Variants in TASP1 observed in about 807,000 individuals in gnomAD.
The protein encoded by TASP1 is threonine aspartase 1.
In TASP1, 16 loss-of-function variants were observed where a neutral mutation model predicts 56.6. The ratio of observed to expected loss-of-function variants is 0.28; its 90% CI spans 0.19 to 0.43. The LOEUF (loss-of-function observed/expected upper bound fraction) is 0.43. Among genes scored for constraint, TASP1 ranks in the 20% least tolerant of loss-of-function variants. TASP1 has a pLI of 1.00. For synonymous variants in TASP1, 179 were observed against 184.2 expected (o/e 0.97, Z 0.23); for missense variants, 393 against 511.6 (o/e 0.77, Z 2.24).
the TASP1 span, among the ~76,000 whole-genome samples, chr20:13,208,753 T>G: frequency 6.6e-6 from 1 of 152,228 alleles, no homozygotes; most frequent in African/African-American, 2.4e-5. Context: ...AGAGCTGTTT[T>G]GTCCCAGCTG....
chr20:13,430,546 T>A (rs1399774732), intron 12 of TASP1, among the ~76,000 whole-genome samples: 1 of 152,180 alleles, frequency 6.6e-6, no homozygotes, highest in East Asian at 1.9e-4. Context: ...TGGCAGTTGG[T>A]CTCACCCAGA....
chr20:13,496,119 T>A (rs2043715685), intron 10 of TASP1, among the ~76,000 whole-genome samples: 1 of 152,270 alleles, frequency 6.6e-6, no homozygotes, highest in Admixed American at 6.5e-5. Context: ...CCTAGTGCGA[T>A]CTCAGCTCAC....
Position 13,419,308 on chromosome 20 carries a change from G to A in TASP1, c.1097-1787C>T, listed in dbSNP as rs184686005. ...CATGCTCGTGTGCATGTAGAGGGAG[G>A]AGGGCATGAGGATGGGAAAGCAAAT... On this transcript the variant is annotated intron_variant, in intron 12 of 13. Coordinates refer to ENST00000337743, the MANE Select transcript of TASP1 (RefSeq NM_017714.3). Among the ~76,000 whole-genome samples, 3 of 152,242 alleles carry A rather than the reference G, an allele frequency of 2.0e-5. No individual in the cohort carries two copies. In the East Asian group the frequency reaches 5.8e-4, roughly 29 times the overall value.
chr20:13,220,682 G>A, the TASP1 span, among the ~76,000 whole-genome samples: 2 of 152,174 alleles, frequency 1.3e-5, no homozygotes, highest in African/African-American at 2.4e-5. Context: ...GCGGATCCGC[G>A]AACAGCCGTG....
the TASP1 span, among the ~76,000 whole-genome samples, chr20:13,105,350 G>C: frequency 6.6e-6 from 1 of 152,062 alleles, no homozygotes; most frequent in East Asian, 1.9e-4. Flanking sequence ...TCCACCAAAA[G>C]CCACTCCCAT....
At chr20:13,412,236 C>T (rs1260131485) in intron 13 of TASP1, among the ~76,000 whole-genome samples, 2 of 152,154 alleles carry the variant, frequency 1.3e-5, no homozygotes, top group African/African-American at 2.4e-5. Flanking sequence ...AGCTCACACA[C>T]GGCCATAAAG....
the TASP1 span, among the ~76,000 whole-genome samples, chr20:13,171,669 TAGAG>T: frequency 6.6e-6 from 1 of 152,128 alleles, no homozygotes. Flanking sequence ...AATAGCGAAT[TAGAG>T]AGGAAGTATG....
the TASP1 span, among the ~76,000 whole-genome samples, chr20:13,384,383 A>C: frequency 6.6e-6 from 1 of 152,152 alleles, no homozygotes; most frequent in Non-Finnish European, 1.5e-5. Flanking sequence ...ATAATGAACC[A>C]CCTTGGGCTT....
intron 4 of TASP1, among the ~76,000 whole-genome samples, chr20:13,619,173 C>A (rs1245770185): frequency 2.0e-5 from 3 of 152,190 alleles, no homozygotes; most frequent in African/African-American, 7.2e-5. Context: ...GCTGGGATTA[C>A]AGGCATGAGC....
the TASP1 span, among the ~76,000 whole-genome samples, chr20:13,154,695 A>G: frequency 6.6e-6 from 1 of 152,320 alleles, no homozygotes; most frequent in African/African-American, 2.4e-5. Context: ...GCTCATGCTC[A>G]GTTTCTCATG....
Position 13,432,932 on chromosome 20 carries a change from C to T in TASP1, c.1096+2112G>A, listed in dbSNP as rs192254991. Reference sequence around the variant, plus strand: ...AAACAATTTTAATGCCCCCCCCAACCCACCGCTGCCCAAACACTAGGGGTT... The same window carrying T: ...AAACAATTTTAATGCCCCCCCCAACTCACCGCTGCCCAAACACTAGGGGTT... On this transcript the variant is annotated intron_variant, in intron 12 of 13. Transcript: ENST00000337743. 3.2e-3 allele frequency among the ~76,000 whole-genome samples: 494 copies of T among 152,140 alleles called. 2 individuals carry two copies. Among genetic ancestry groups the T allele is most frequent in the East Asian group, 0.012 (60 of 5,174 alleles).
chr20:13,479,744 C>T (rs1293162835), intron 11 of TASP1, among the ~76,000 whole-genome samples: 4 of 152,168 alleles, frequency 2.6e-5, no homozygotes, highest in Admixed American at 2.0e-4. Context: ...GATCCACCCA[C>T]CTCAGCCTCC....
chr20:13,170,859 G>GT, the TASP1 span, among the ~76,000 whole-genome samples: 2 of 152,136 alleles, frequency 1.3e-5, no homozygotes, highest in East Asian at 3.9e-4. Context: ...AATGTGTGGG[G>GT]TTTTTTCCCA....
At chr20:13,458,827 C>T (rs1019787504) in intron 11 of TASP1, among the ~76,000 whole-genome samples, 2 of 152,154 alleles carry the variant, frequency 1.3e-5, no homozygotes, top group Non-Finnish European at 2.9e-5. Flanking sequence ...AACTTGCCAA[C>T]ATACAACATT....
chr20:13,180,025 A>T, the TASP1 span, among the ~76,000 whole-genome samples: 1 of 151,992 alleles, frequency 6.6e-6, no homozygotes. Flanking sequence ...TGAAGTCATC[A>T]CTCATCCAGA....
At chr20:13,557,605 G>C (rs1201547063) in intron 8 of TASP1, among the ~76,000 whole-genome samples, 1 of 121,096 alleles carries the variant, frequency 8.3e-6, no homozygotes, top group African/African-American at 3.3e-5. Flanking sequence ...TTTTGAGACA[G>C]GGTCTCACTC....
chr20:13,580,815 T>C, intron 6 of TASP1, 82 bp downstream of exon 6: 1 of 1,363,454 alleles, frequency 7.3e-7, no homozygotes, highest in Non-Finnish European at 1.0e-6. Context: ...GCATGCTACC[T>C]GGTATGTAAC....
intron 1 of TASP1, among the ~76,000 whole-genome samples, chr20:13,630,984 ATTTTT>A (rs911124710): frequency 6.6e-5 from 10 of 152,170 alleles, no homozygotes; most frequent in African/African-American, 2.4e-4. Context: ...TTGAGCTTTT[ATTTTT>A]AAGTTTCAAA....
the TASP1 span, among the ~76,000 whole-genome samples, chr20:13,222,171 G>A: frequency 6.6e-6 from 1 of 152,174 alleles, no homozygotes; most frequent in Non-Finnish European, 1.5e-5. Context: ...CAGGTGCGGG[G>A]TTGGTGGGGA....
Sources: gnomAD v4.1 joint callset for allele counts (sites outside exome capture counted in the v4.1 genomes callset) on GRCh38, gnomAD v4.1.1 for gene constraint, MANE v1.5 for transcripts, NCBI Gene and HGNC (gene_info 2026-07-23, HGNC 2026-07-21) for gene names.